Variants in ANXA6 observed in about 807,000 individuals in gnomAD.
ANXA6 encodes the protein 67 kDa calelectrin.
ANXA6 carries 71 observed loss-of-function variants against 95.4 expected under a neutral mutation model. The observed-to-expected ratio is 0.74, with a 90% CI of 0.61 to 0.91. ANXA6 has a LOEUF of 0.91. Ranked by LOEUF, ANXA6 falls within the 40% of genes least tolerant of loss-of-function variation. ANXA6 has a pLI of 0.00. For synonymous variants in ANXA6, 289 were observed against 315.9 expected (o/e 0.91, Z 0.90); for missense variants, 830 against 876.4 (o/e 0.95, Z 0.67).
In ANXA6 at chr5:151,128,210, A is replaced by C. The variant is rs1318927601; in HGVS notation, c.948T>G (p.Thr316=). 6.2e-7 allele frequency: 1 copy of C among 1,612,466 alleles called. No individual in the cohort carries two copies. The highest frequency in any genetic ancestry group is 8.5e-7 in the Non-Finnish European group (1 of 1,179,410). The change falls in exon 13 of 26, where the codon ACT becomes ACG. Residue 316 remains threonine, a synonymous_variant. Transcript: ENST00000354546. The part of the protein sequence containing the change: ...KNDTSGEYKK[T]LLKLSGGDDD... ...CATCTCCCCCAGACAGCTTCAGCAG[A>C]GTCTTCTTGTACTCGCCAGAGGTGT...
At position 151,122,957 on chromosome 5, in the gene ANXA6, C is replaced by T. The variant is rs773729586; in HGVS notation, c.1193G>A (p.Arg398Gln). 10 of 1,613,842 alleles carry T rather than the reference C, an allele frequency of 6.2e-6. No individual in the cohort carries two copies. The highest frequency in any genetic ancestry group is 2.2e-5 in the South Asian group (2 of 91,090). ...CTTGAAGGTCTGCCGGATCTGCTGC[C>T]GCTGGACATTGCTGCGGTGCGTGAT... Reference protein sequence around the residue: ...DIITHRSNVQRQQIRQTFKSH... With the variant: ...DIITHRSNVQQQQIRQTFKSH... The change falls in exon 16 of 26, where the codon CGG becomes CAG. Residue 398 changes from arginine to glutamine, a missense_variant. Physicochemically the swap from Arg to Gln is conservative, Grantham distance 43. Transcript: ENST00000354546.
chr5:151,142,550 C>A (rs558001891), intron 2 of ANXA6, among the ~76,000 whole-genome samples: 1 of 151,894 alleles, frequency 6.6e-6, no homozygotes, highest in African/African-American at 2.4e-5. Context: ...TCCTTAAAGA[C>A]CTTTTAGTTC....
Position 151,128,207 on chromosome 5 carries a change from C to G in ANXA6, c.951G>C (p.Leu317=). ...CATCATCTCCCCCAGACAGCTTCAG[C>G]AGAGTCTTCTTGTACTCGCCAGAGG... The part of the protein sequence containing the change: ...NDTSGEYKKT[L]LKLSGGDDDA... Residue 317 remains leucine, a synonymous_variant, in exon 13 of 26, where the codon CTG becomes CTC. Transcript: ENST00000354546. The G allele has an allele frequency of 6.2e-7, 1 of 1,612,550 alleles. No individual in the cohort carries two copies. The highest frequency in any genetic ancestry group is 1.3e-5 in the African/African-American group (1 of 75,024).
At chr5:151,114,062 A>G (rs1313546141) in intron 20 of ANXA6, among the ~76,000 whole-genome samples, 1 of 152,216 alleles carries the variant, frequency 6.6e-6, no homozygotes, top group African/African-American at 2.4e-5. Context: ...CTGTATTGAC[A>G]TGAGGTGTTT....
chr5:151,101,342 A>ACCCCCCC lies in ANXA6; in HGVS notation c.*105_*106insGGGGGGG. 4 of 146,848 alleles carry ACCCCCCC rather than the reference A, an allele frequency of 2.7e-5. No homozygotes were observed. Among genetic ancestry groups the ACCCCCCC allele is most frequent in the South Asian group, 4.6e-5 (1 of 21,956 alleles). 9.1% of individuals were successfully genotyped at this position (146,848 alleles called of 1,614,324 possible). A position where few individuals can be genotyped will look rare whatever the true frequency, so the allele number is the denominator to read the frequency against. On this transcript the variant is annotated 3_prime_UTR_variant, in exon 26 of 26. Transcript: ENST00000354546. Reference sequence around the variant, plus strand: ...AGAGCCCAACCCAACCCCTCCCCCCACCCCTGCCCCTTCCTTAGTCTCTGG... The same window carrying ACCCCCCC: ...AGAGCCCAACCCAACCCCTCCCCCCACCCCCCCCCCCTGCCCCTTCCTTAGTCTCTGG...
intron 17 of ANXA6, 69 bp from the exon 18 acceptor site, chr5:151,119,459 G>T: frequency 2.2e-6 from 3 of 1,380,342 alleles, no homozygotes; most frequent in Non-Finnish European, 3.1e-6. Flanking sequence ...CATGGGGCCC[G>T]GACGGCTAAA....
rs946898829 is a variant in ANXA6, at chr5:151,101,262, T to C, written c.*186A>G. 14 of 648,460 alleles carry C rather than the reference T, an allele frequency of 2.2e-5. No individual in the cohort carries two copies. The highest frequency in any genetic ancestry group is 3.7e-5 in the Non-Finnish European group (13 of 355,864). 40.2% of individuals were successfully genotyped at this position (648,460 alleles called of 1,614,324 possible). A position where few individuals can be genotyped will look rare whatever the true frequency, so the allele number is the denominator to read the frequency against. ...CGGTTTTTCAGCCGCTCAGCCGTGC[T>C]GGGCCCTCGATGGCCCGTGGGAGTG... On this transcript the variant is annotated 3_prime_UTR_variant, in exon 26 of 26. Transcript: ENST00000354546.
At chr5:151,138,654 A>G in intron 5 of ANXA6, 24 bp downstream of exon 5, 1 of 1,562,040 alleles carries the variant, frequency 6.4e-7, no homozygotes, top group East Asian at 2.2e-5. Flanking sequence ...CCACCCCAAC[A>G]CCACATACAC....
chr5:151,118,692 C>T (rs566542569), intron 18 of ANXA6, among the ~76,000 whole-genome samples: 114 of 152,254 alleles, frequency 7.5e-4, no homozygotes, highest in Non-Finnish European at 1.2e-3. Context: ...CTCGGCCTCC[C>T]AAAGTGCTGG....
chr5:151,141,301 C>G (rs1387641820), intron 2 of ANXA6, among the ~76,000 whole-genome samples: 2 of 152,224 alleles, frequency 1.3e-5, no homozygotes, highest in African/African-American at 2.4e-5. Context: ...GTGCTAGGCC[C>G]TACACTAATG....
chr5:151,119,450 A>G, intron 17 of ANXA6, 60 bp from the exon 18 acceptor site: 1 of 1,452,896 alleles, frequency 6.9e-7, no homozygotes, highest in Non-Finnish European at 9.7e-7. Context: ...GCAGAGGTCC[A>G]TGGGGCCCGG....
At chr5:151,145,921 C>T (rs1278773949) in intron 2 of ANXA6, among the ~76,000 whole-genome samples, 1 of 152,120 alleles carries the variant, frequency 6.6e-6, no homozygotes, top group African/African-American at 2.4e-5. Flanking sequence ...CCCTGAGTAG[C>T]TCTCCCTAGG....
Position 151,118,420 on chromosome 5 carries a change from C to A in ANXA6, c.1439-583G>T, listed in dbSNP as rs59425808. 0.01 allele frequency among the ~76,000 whole-genome samples: 1,576 copies of A among 152,062 alleles called. 63 individuals carry two copies. The East Asian group carries it at 0.12, about 11-fold the overall frequency. On this transcript the variant is annotated intron_variant, in intron 18 of 25. Coordinates refer to ENST00000354546, the MANE Select transcript of ANXA6 (RefSeq NM_001155.5). ...GGGACTATAGGCACATGCCACCACACTTAGCTAATTTTTTTGTTTTTTGTT... is the reference window on the plus strand; with the variant it reads ...GGGACTATAGGCACATGCCACCACAATTAGCTAATTTTTTTGTTTTTTGTT...
At chr5:151,136,543 G>T (rs933556677) in intron 6 of ANXA6, among the ~76,000 whole-genome samples, 8 of 152,074 alleles carry the variant, frequency 5.3e-5, no homozygotes, top group Non-Finnish European at 1.2e-4. Context: ...ATTCTCTCTA[G>T]CCCACCTATA....
rs1176415736 is a variant in ANXA6, at chr5:151,108,505, G to T, written c.1730C>A (p.Thr577Asn). 6.2e-7 allele frequency: 1 copy of T among 1,613,906 alleles called. No individual in the cohort carries two copies. The highest frequency in any genetic ancestry group is 2.2e-5 in the East Asian group (1 of 44,878). ...IKMTNYDVEH[T>N]IKKEMSGDVR... The stretch of plus-strand genomic sequence containing the variant: ...ATCCCCAGACATCTCCTTCTTGATG[G>T]TGTGCTCCACGTCATAGTTGGTCAT... Residue 577 changes from threonine to asparagine, a missense_variant, in exon 23 of 26, where the codon ACC becomes AAC. Transcript: ENST00000354546.
chr5:151,106,185 G>A (rs781647915), intron 23 of ANXA6, among the ~76,000 whole-genome samples: 9 of 152,068 alleles, frequency 5.9e-5, no homozygotes, highest in Non-Finnish European at 1.2e-4. Context: ...TGCCTGCCTG[G>A]TTTCACCAAC....
intron 23 of ANXA6, among the ~76,000 whole-genome samples, chr5:151,105,936 A>T (rs574753850): frequency 1.3e-5 from 2 of 152,300 alleles, no homozygotes; most frequent in African/African-American, 4.8e-5. Flanking sequence ...AACTGCAATG[A>T]CTTTTGCACC....
intron 1 of ANXA6, among the ~76,000 whole-genome samples, chr5:151,149,081 T>C (rs1450630619): frequency 2.7e-5 from 4 of 147,600 alleles, no homozygotes; most frequent in Admixed American, 7.0e-5. Flanking sequence ...CTTGGGAGGC[T>C]GAGGCGAGAG....
chr5:151,128,085 G>A (rs1370275029), intron 13 of ANXA6, 96 bp downstream of exon 13: 35 of 1,083,348 alleles, frequency 3.2e-5, no homozygotes, highest in Non-Finnish European at 4.7e-5. Flanking sequence ...GGAATCCCCA[G>A]CTCATCCAAT....
Sources: allele counts gnomAD v4.1 joint callset (sites outside exome capture counted in the v4.1 genomes callset), GRCh38; gene constraint gnomAD v4.1.1; transcripts MANE v1.5; gene names NCBI Gene and HGNC (gene_info 2026-07-23, HGNC 2026-07-21).